Variants in TMEM108 observed in about 807,000 individuals in gnomAD.
TMEM108 encodes transmembrane protein 108.
TMEM108 carries 12 observed loss-of-function variants against 35.1 expected under a neutral mutation model. The observed-to-expected ratio is 0.34, with a 90% CI of 0.22 to 0.55. TMEM108 has a LOEUF of 0.55. Among genes scored for constraint, TMEM108 ranks in the 20% least tolerant of loss-of-function variants. The pLI is 0.89. For missense variants in TMEM108, 680 were observed against 753.3 expected, an observed-to-expected ratio of 0.90 and a Z score of 1.14; for synonymous variants, 287 against 308.6, an observed-to-expected ratio of 0.93 and a Z score of 0.73.
intron 3 of TMEM108, among the ~76,000 whole-genome samples, chr3:133,373,022 A>T (rs1476007710): frequency 6.6e-6 from 1 of 152,214 alleles, no homozygotes; most frequent in African/African-American, 2.4e-5. Flanking sequence ...AAAAGGAATC[A>T]TTGGAGTTCA....
chr3:133,163,569 A>G lies in TMEM108; in HGVS notation c.-46-65697A>G, dbSNP rs11713531. Among the ~76,000 whole-genome samples the G allele has an allele frequency of 9.2e-3, 1,407 of 152,250 alleles. 8 individuals carry two copies. Among genetic ancestry groups the G allele is most frequent in the Middle Eastern group, 0.02 (6 of 294 alleles). On this transcript the variant is annotated intron_variant, in intron 2 of 5. Coordinates refer to ENST00000321871, the MANE Select transcript of TMEM108 (RefSeq NM_023943.4). ...TGCTCTTGTTTGCCCTAGCCAGGCT[A>G]GTGGGGACTGTGCCTTGGAGACAGT...
intron 3 of TMEM108, among the ~76,000 whole-genome samples, chr3:133,279,333 T>C (rs1946881016): frequency 6.6e-6 from 1 of 152,202 alleles, no homozygotes; most frequent in Admixed American, 6.5e-5. Flanking sequence ...CCACCATGTC[T>C]ATCATGAGAC....
At chr3:133,151,354 G>C (rs1196097080) in intron 2 of TMEM108, among the ~76,000 whole-genome samples, 1 of 152,144 alleles carries the variant, frequency 6.6e-6, no homozygotes, top group Non-Finnish European at 1.5e-5. Context: ...ACAAAGTAAT[G>C]AATGAATGAA....
At chr3:133,147,090 G>A (rs565355147) in intron 2 of TMEM108, among the ~76,000 whole-genome samples, 17 of 152,044 alleles carry the variant, frequency 1.1e-4, no homozygotes, top group Non-Finnish European at 2.1e-4. Flanking sequence ...TTTCTCCTGT[G>A]GGCATTTAGT....
intron 3 of TMEM108, among the ~76,000 whole-genome samples, chr3:133,360,523 A>G (rs1576499419): frequency 6.6e-6 from 1 of 152,296 alleles, no homozygotes; most frequent in East Asian, 1.9e-4. Context: ...GAGAAATACA[A>G]ATGAGCAGCC....
chr3:133,105,278 C>T (rs930690149), intron 2 of TMEM108, among the ~76,000 whole-genome samples: 2 of 152,176 alleles, frequency 1.3e-5, no homozygotes, highest in African/African-American at 4.8e-5. Flanking sequence ...AGGTCATTCT[C>T]AGCTTCTAGA....
chr3:133,260,867 A>G (rs556962102), intron 3 of TMEM108, among the ~76,000 whole-genome samples: 2 of 152,292 alleles, frequency 1.3e-5, no homozygotes, highest in East Asian at 3.9e-4. Flanking sequence ...GAATCAGGAA[A>G]CATCTTGGAA....
intron 3 of TMEM108, among the ~76,000 whole-genome samples, chr3:133,354,924 A>G (rs1181432516): frequency 6.6e-6 from 1 of 151,518 alleles, no homozygotes; most frequent in Admixed American, 6.6e-5. Flanking sequence ...TGATTTTCTT[A>G]CTTTAAAATG....
intron 2 of TMEM108, among the ~76,000 whole-genome samples, chr3:133,158,718 T>C (rs1246020535): frequency 1.3e-5 from 2 of 152,138 alleles, no homozygotes; most frequent in African/African-American, 4.8e-5. Context: ...AGGAGCACTG[T>C]CCATCTTCCA....
intron 3 of TMEM108, among the ~76,000 whole-genome samples, chr3:133,347,791 AATAT>A (rs1180703002): frequency 1.3e-5 from 2 of 152,092 alleles, no homozygotes; most frequent in East Asian, 1.9e-4. Flanking sequence ...GACTATGTAG[AATAT>A]ATAAAGAAAT....
At chr3:133,304,455 A>AACG (rs397689664) in intron 3 of TMEM108, among the ~76,000 whole-genome samples, 14 of 151,762 alleles carry the variant, frequency 9.2e-5, no homozygotes, top group Non-Finnish European at 1.9e-4. Flanking sequence ...CCAGTCATAC[A>AACG]TTTCTGTCAC....
intron 2 of TMEM108, among the ~76,000 whole-genome samples, chr3:133,056,522 G>T (rs1943467914): frequency 6.6e-6 from 1 of 152,258 alleles, no homozygotes; most frequent in East Asian, 1.9e-4. Flanking sequence ...TCCTGCCCAG[G>T]TTCTATTTTC....
At chr3:133,232,557 A>G (rs1946169000) in intron 3 of TMEM108, among the ~76,000 whole-genome samples, 2 of 152,362 alleles carry the variant, frequency 1.3e-5, no homozygotes, top group Non-Finnish European at 2.9e-5. Flanking sequence ...TCTTTATAGC[A>G]ACACTAAACA....
chr3:133,108,866 TAGGAG>T (rs909576092), intron 2 of TMEM108, among the ~76,000 whole-genome samples: 1 of 148,978 alleles, frequency 6.7e-6, no homozygotes, highest in Non-Finnish European at 1.5e-5. Context: ...GGGATAGCAT[TAGGAG>T]ATATACCTAA....
chr3:133,255,127 AT>A (rs1559883716), intron 3 of TMEM108, among the ~76,000 whole-genome samples: 8 of 152,158 alleles, frequency 5.3e-5, no homozygotes. Context: ...TATTTTACTC[AT>A]TAAGGAGATT....
rs1943506112 is a variant in TMEM108, at chr3:133,059,045, G to A, written c.-47+13025G>A. Among the ~76,000 whole-genome samples the A allele has an allele frequency of 7.2e-5, 11 of 152,302 alleles. No individual in the cohort carries two copies. In the South Asian group the frequency reaches 2.3e-3, roughly 32 times the overall value. The stretch of plus-strand genomic sequence containing the variant: ...GGTTCTGGTGAGGACTCCCTTCCGG[G>A]TTGCAGACTGCCAGCTTCTCATTGT... On this transcript the variant is annotated intron_variant, in intron 2 of 5. Transcript: ENST00000321871.
chr3:133,319,706 CTT>C (rs2071242295), intron 3 of TMEM108, among the ~76,000 whole-genome samples: 1 of 152,298 alleles, frequency 6.6e-6, no homozygotes, highest in South Asian at 2.1e-4. Context: ...TCACAGGACT[CTT>C]TGCAGACATT....
intron 2 of TMEM108, among the ~76,000 whole-genome samples, chr3:133,145,210 T>G (rs547084051): frequency 6.6e-6 from 1 of 152,264 alleles, no homozygotes; most frequent in South Asian, 2.1e-4. Context: ...ATACCTGTTA[T>G]TAAATAGGAA....
intron 2 of TMEM108, among the ~76,000 whole-genome samples, chr3:133,202,532 C>A (rs4026034): frequency 6.6e-6 from 1 of 152,102 alleles, no homozygotes; most frequent in Non-Finnish European, 1.5e-5. Context: ...TTTTGCAACA[C>A]CATTTATTAA....
Sources: allele counts gnomAD v4.1 joint callset (sites outside exome capture counted in the v4.1 genomes callset), GRCh38; gene constraint gnomAD v4.1.1; transcripts MANE v1.5; gene names NCBI Gene and HGNC (gene_info 2026-07-23, HGNC 2026-07-21).